The following NBAS variants were observed in gnomAD, a reference collection of about 807,000 sequenced individuals.
The protein encoded by NBAS is NBAS subunit of NRZ tethering complex.
A neutral mutation model predicts 302.5 loss-of-function variants in NBAS; 219 were observed. The ratio of observed to expected loss-of-function variants is 0.72; its 90% CI spans 0.65 to 0.81. The LOEUF (loss-of-function observed/expected upper bound fraction) is 0.81. Ranked by LOEUF, NBAS falls within the 30% of genes least tolerant of loss-of-function variation. The pLI is 0.00. For synonymous variants in NBAS, 1,118 were observed against 1,021.6 expected (o/e 1.09, Z -1.80); for missense variants, 2,932 against 2,841.6 (o/e 1.03, Z -0.72).
chr2:15,561,145 G>A (rs1664899562), intron 1 of NBAS, 43 bp downstream of exon 1: 1 of 1,561,718 alleles, frequency 6.4e-7, no homozygotes, highest in Non-Finnish European at 8.8e-7. Flanking sequence ...CCCACGAAGC[G>A]CCCGCGCCAA....
At chr2:14,796,121 A>G in the NBAS span, among the ~76,000 whole-genome samples, 1 of 152,170 alleles carries the variant, frequency 6.6e-6, no homozygotes, top group Non-Finnish European at 1.5e-5. Flanking sequence ...TTCTCCACTG[A>G]ATTGCTATGG....
chr2:15,410,942 T>G (rs1483693143), intron 25 of NBAS, among the ~76,000 whole-genome samples: 1 of 152,210 alleles, frequency 6.6e-6, no homozygotes, highest in Non-Finnish European at 1.5e-5. Context: ...TGCAGTTCCG[T>G]GGGATCCCAG....
intron 44 of NBAS, among the ~76,000 whole-genome samples, chr2:15,247,266 C>T (rs1169413756): frequency 6.6e-6 from 1 of 152,172 alleles, no homozygotes; most frequent in Non-Finnish European, 1.5e-5. Context: ...CAACCAGTAC[C>T]AGCCACTGCA....
chr2:15,366,460 C>A, intron 32 of NBAS, 120 bp downstream of exon 32: 1 of 939,292 alleles, frequency 1.1e-6, no homozygotes, highest in South Asian at 1.4e-5. Context: ...AGAGCGAGAC[C>A]CTGTCTAATA....
chr2:15,456,962 G>A (rs1177849109), intron 21 of NBAS, among the ~76,000 whole-genome samples: 1 of 152,172 alleles, frequency 6.6e-6, no homozygotes, highest in Non-Finnish European at 1.5e-5. Flanking sequence ...TGAAAAATGT[G>A]ATCAGGGAAG....
the NBAS span, among the ~76,000 whole-genome samples, chr2:15,076,688 G>C: frequency 6.6e-6 from 1 of 152,148 alleles, no homozygotes; most frequent in Non-Finnish European, 1.5e-5. Context: ...CCTTCAAAAT[G>C]CCCCTCACCA....
the NBAS span, among the ~76,000 whole-genome samples, chr2:15,044,215 A>G: frequency 1.7e-4 from 26 of 152,264 alleles, no homozygotes; most frequent in Non-Finnish European, 2.8e-4. Context: ...CAGAATTTGC[A>G]TTCTGTAAGA....
At chr2:15,370,443 C>A (rs1674427554) in intron 31 of NBAS, among the ~76,000 whole-genome samples, 1 of 152,164 alleles carries the variant, frequency 6.6e-6, no homozygotes, top group Admixed American at 6.5e-5. Flanking sequence ...CAGGCATGCA[C>A]CACCAAGCCT....
the NBAS span, among the ~76,000 whole-genome samples, chr2:15,108,691 C>T: frequency 2.0e-5 from 3 of 152,038 alleles, no homozygotes; most frequent in Non-Finnish European, 2.9e-5. Flanking sequence ...TATATCCGCC[C>T]GTGTGAAGTT....
In NBAS at chr2:15,437,178, T is replaced by C. The variant is rs575721805; in HGVS notation, c.2340-9384A>G. ...CTCTTCGCCTGTGTATGAGCACTTATGAGTACAAAGAGATGTGGAATTTAG... is the reference window on the plus strand; with the variant it reads ...CTCTTCGCCTGTGTATGAGCACTTACGAGTACAAAGAGATGTGGAATTTAG... On this transcript the variant is annotated intron_variant, in intron 21 of 51. Coordinates refer to ENST00000281513, the MANE Select transcript of NBAS (RefSeq NM_015909.4). Among the ~76,000 whole-genome samples the C allele has an allele frequency of 3.3e-5, 5 of 151,854 alleles. No homozygotes were observed. The South Asian group carries it at 8.3e-4, about 25-fold the overall frequency.
At chr2:15,098,261 A>G in the NBAS span, among the ~76,000 whole-genome samples, 1 of 22,402 alleles carries the variant, frequency 4.5e-5, no homozygotes, top group East Asian at 1.5e-3. Context: ...TGTATATAAT[A>G]TAGTGTATAC....
the NBAS span, among the ~76,000 whole-genome samples, chr2:15,056,599 C>T: frequency 5.9e-5 from 9 of 152,282 alleles, no homozygotes; most frequent in African/African-American, 2.2e-4. Context: ...ACATGAGACA[C>T]TCACTACAGA....
the NBAS span, among the ~76,000 whole-genome samples, chr2:15,156,542 G>A: frequency 6.6e-6 from 1 of 152,184 alleles, no homozygotes; most frequent in Non-Finnish European, 1.5e-5. Flanking sequence ...GTTTCTTGCT[G>A]CATCCTCACA....
chr2:15,446,029 T>A (rs1352518889), intron 21 of NBAS, among the ~76,000 whole-genome samples: 1 of 151,306 alleles, frequency 6.6e-6, no homozygotes, highest in Non-Finnish European at 1.5e-5. Flanking sequence ...AGAAACTTTT[T>A]AAAATGGGCT....
chr2:15,551,432 A>C, intron 6 of NBAS, 61 bp downstream of exon 6: 1 of 1,113,294 alleles, frequency 9.0e-7, no homozygotes, highest in East Asian at 2.5e-5. Context: ...ACTTTTAAGA[A>C]ACATTGGAAA....
chr2:14,963,560 T>C, the NBAS span, among the ~76,000 whole-genome samples: 1 of 152,332 alleles, frequency 6.6e-6, no homozygotes, highest in African/African-American at 2.4e-5. Flanking sequence ...ACACCTACTT[T>C]CCTTCTGGGA....
chr2:15,252,913 A>G (rs931961482), intron 44 of NBAS, among the ~76,000 whole-genome samples: 8 of 152,226 alleles, frequency 5.3e-5, no homozygotes, highest in Non-Finnish European at 1.2e-4. Context: ...TGACAGAAAT[A>G]TAAATTAAGT....
At chr2:15,172,692 G>C (rs1172663508) in intron 51 of NBAS, among the ~76,000 whole-genome samples, 1 of 152,198 alleles carries the variant, frequency 6.6e-6, no homozygotes, top group Admixed American at 6.5e-5. Flanking sequence ...TAAGGGGCAT[G>C]AGAAAGAAAA....
At chr2:14,906,959 C>T in the NBAS span, among the ~76,000 whole-genome samples, 2 of 152,206 alleles carry the variant, frequency 1.3e-5, no homozygotes, top group Admixed American at 6.5e-5. Context: ...CAAATGACTT[C>T]GAGTTGAATC....
Sources: allele counts gnomAD v4.1 joint callset (sites outside exome capture counted in the v4.1 genomes callset), GRCh38; gene constraint gnomAD v4.1.1; transcripts MANE v1.5; gene names NCBI Gene and HGNC (gene_info 2026-07-23, HGNC 2026-07-21).